The following PCDH15 variants were observed in gnomAD, a reference collection of about 807,000 sequenced individuals.
The protein encoded by PCDH15 is protocadherin related 15, also known as protocadherin-15.
A neutral mutation model predicts 178.5 loss-of-function variants in PCDH15; 129 were observed. The ratio of observed to expected loss-of-function variants is 0.72; its 90% CI spans 0.63 to 0.84. The LOEUF (loss-of-function observed/expected upper bound fraction) is 0.84, where lower values mean the gene tolerates loss of function less well. PCDH15 is among the 40% of genes least tolerant of loss of function. The pLI, the probability that PCDH15 is intolerant of heterozygous loss-of-function variation, is 0.00. For synonymous variants in PCDH15, 800 were observed against 732.0 expected, an observed-to-expected ratio of 1.09 and a Z score of -1.50; for missense variants, 2,230 against 2,099.9, an observed-to-expected ratio of 1.06 and a Z score of -1.21.
chr10:53,842,303 C>T (rs1169899249), intron 28 of PCDH15, among the ~76,000 whole-genome samples: 2 of 152,138 alleles, frequency 1.3e-5, no homozygotes, highest in Admixed American at 6.5e-5. Flanking sequence ...GTCGCCCAGG[C>T]TGGAGTGCAA....
intron 2 of PCDH15, among the ~76,000 whole-genome samples, chr10:55,059,733 G>A (rs1841385327): frequency 6.6e-6 from 1 of 152,062 alleles, no homozygotes; most frequent in Non-Finnish European, 1.5e-5. Flanking sequence ...ATGTAATGAA[G>A]TTTAAGAACA....
chr10:55,243,647 C>T (rs756996034), intron 1 of PCDH15, among the ~76,000 whole-genome samples: 6 of 152,126 alleles, frequency 3.9e-5, no homozygotes, highest in Non-Finnish European at 8.8e-5. Flanking sequence ...TAGCACAATG[C>T]AAGGACAAAA....
intron 1 of PCDH15, among the ~76,000 whole-genome samples, chr10:54,746,367 TAC>T (rs57289483): frequency 0.96 from 145,654 of 152,104 alleles, 69,887 homozygotes; most frequent in Non-Finnish European, 0.99. Context: ...GGTACAAACA[TAC>T]AGTTAGATGA....
In PCDH15 at chr10:53,811,577, C is replaced by T; in HGVS notation, c.4534G>A (p.Gly1512Arg). 1 of 1,571,290 alleles carries T rather than the reference C, an allele frequency of 6.4e-7. No homozygotes were observed. Among genetic ancestry groups the T allele is most frequent in the Non-Finnish European group, 8.6e-7 (1 of 1,158,526 alleles). The stretch of plus-strand genomic sequence containing the variant: ...TGCTCATAACTGTAATAATCTTGTC[C>T]ATATTCCTGGCCAGGATCAATTCCA... ...ESGIDPGQEY[G>R]QDYYSYEHGY... The change falls in exon 36 of 38, where the codon GGA (glycine) becomes AGA (arginine). Residue 1512 changes from glycine to arginine, a missense_variant. Transcript: ENST00000644397.
At chr10:54,431,874 A>G (rs1338555789) in intron 3 of PCDH15, among the ~76,000 whole-genome samples, 1 of 152,156 alleles carries the variant, frequency 6.6e-6, no homozygotes, top group East Asian at 1.9e-4. Flanking sequence ...CTCTATCAAA[A>G]ATCTATTAGA....
intron 2 of PCDH15, among the ~76,000 whole-genome samples, chr10:54,627,754 C>A (rs890361576): frequency 2.6e-5 from 4 of 152,152 alleles, no homozygotes; most frequent in Non-Finnish European, 5.9e-5. Context: ...TGGGACACAG[C>A]CTTGAACTGT....
intron 2 of PCDH15, among the ~76,000 whole-genome samples, chr10:55,498,659 T>C (rs1317131763): frequency 2.0e-5 from 3 of 151,874 alleles, no homozygotes; most frequent in South Asian, 2.1e-4. Flanking sequence ...GTAGCAGCTA[T>C]AGTAGATGAT....
intron 2 of PCDH15, among the ~76,000 whole-genome samples, chr10:55,004,280 A>G (rs1839870017): frequency 6.6e-6 from 1 of 152,126 alleles, no homozygotes; most frequent in Admixed American, 6.6e-5. Context: ...AAGCAGGCAG[A>G]AAGATCCACG....
At chr10:54,907,911 A>G (rs1954752220) in intron 2 of PCDH15, among the ~76,000 whole-genome samples, 1 of 152,238 alleles carries the variant, frequency 6.6e-6, no homozygotes, top group Admixed American at 6.5e-5. Context: ...CTAAGAAGTC[A>G]AGAACCCTGG....
At chr10:55,422,489 GC>G (rs1480179449) in intron 2 of PCDH15, among the ~76,000 whole-genome samples, 2 of 151,794 alleles carry the variant, frequency 1.3e-5, no homozygotes, top group East Asian at 3.9e-4. Context: ...GACAAAGTAG[GC>G]AAGTAGTCTC....
At chr10:55,480,782 C>T (rs1840162234) in intron 2 of PCDH15, among the ~76,000 whole-genome samples, 1 of 151,738 alleles carries the variant, frequency 6.6e-6, no homozygotes, top group African/African-American at 2.4e-5. Flanking sequence ...AGATATTGGC[C>T]TGAAGTTTTC....
At chr10:54,110,076 G>A (rs749765906) in intron 15 of PCDH15, among the ~76,000 whole-genome samples, 3 of 152,008 alleles carry the variant, frequency 2.0e-5, no homozygotes, top group African/African-American at 4.8e-5. Context: ...GTGAAGTGTT[G>A]GACTTTGAAC....
At chr10:54,315,718 AGGGG>A (rs71007830) in intron 8 of PCDH15, among the ~76,000 whole-genome samples, 1 of 151,204 alleles carries the variant, frequency 6.6e-6, no homozygotes, top group South Asian at 2.1e-4. Context: ...TGGTATAAGG[AGGGG>A]GGGGTCCAGC....
intron 3 of PCDH15, among the ~76,000 whole-genome samples, chr10:54,524,112 A>T (rs1439147514): frequency 6.6e-6 from 1 of 152,228 alleles, no homozygotes; most frequent in Non-Finnish European, 1.5e-5. Flanking sequence ...AATAACTTTT[A>T]AAAAATTATA....
intron 2 of PCDH15, among the ~76,000 whole-genome samples, chr10:54,623,263 C>T (rs558511483): frequency 2.3e-3 from 348 of 152,216 alleles, no homozygotes; most frequent in African/African-American, 7.9e-3. Flanking sequence ...TTCTCTGATC[C>T]TTTGGCGGCA....
intron 2 of PCDH15, among the ~76,000 whole-genome samples, chr10:55,402,868 T>A (rs1370192777): frequency 6.6e-6 from 1 of 152,020 alleles, no homozygotes; most frequent in Non-Finnish European, 1.5e-5. Context: ...CATATGGTAG[T>A]TCTATTTTTA....
intron 13 of PCDH15, among the ~76,000 whole-genome samples, chr10:54,167,390 G>C (rs2046341234): frequency 1.3e-5 from 2 of 151,990 alleles, no homozygotes; most frequent in South Asian, 4.2e-4. Flanking sequence ...TCATTTTCTG[G>C]GAGAGACAAA....
intron 3 of PCDH15, among the ~76,000 whole-genome samples, chr10:54,839,903 T>C (rs779373417): frequency 6.6e-5 from 10 of 152,006 alleles, no homozygotes; most frequent in Non-Finnish European, 1.0e-4. Flanking sequence ...CAACCAACAT[T>C]ATACCTAGCA....
chr10:54,697,625 AAAGGAAGGAAGG>A (rs60448051), intron 1 of PCDH15, among the ~76,000 whole-genome samples: 4 of 12,476 alleles, frequency 3.2e-4, no homozygotes, highest in Admixed American at 7.4e-4. Flanking sequence ...GAGAGAGAGA[AAAGGAAGGAAGG>A]AAGGAAGGAA....
Sources: gnomAD v4.1 joint callset for allele counts (sites outside exome capture counted in the v4.1 genomes callset) on GRCh38, gnomAD v4.1.1 for gene constraint, MANE v1.5 for transcripts, NCBI Gene and HGNC (gene_info 2026-07-23, HGNC 2026-07-21) for gene names.